MYOM1: variants seen among roughly 807,000 people sequenced by gnomAD.
The protein encoded by MYOM1 is myomesin-1.
A neutral mutation model predicts 205.3 loss-of-function variants in MYOM1; 164 were observed. That is an observed-to-expected ratio of 0.80 (90% CI 0.70 to 0.91). The LOEUF is 0.91. MYOM1 is among the 40% of genes least tolerant of loss of function. MYOM1 has a pLI of 0.00. For missense variants in MYOM1, 2,011 were observed against 2,127.3 expected, an observed-to-expected ratio of 0.95 and a Z score of 1.08; for synonymous variants, 772 against 789.4, an observed-to-expected ratio of 0.98 and a Z score of 0.37.
chr18:3,071,444 C>T (rs1164285551), intron 37 of MYOM1, among the ~76,000 whole-genome samples: 3 of 152,030 alleles, frequency 2.0e-5, no homozygotes. Flanking sequence ...CTGTAACCTC[C>T]ACCTCCCAGG....
intron 10 of MYOM1, among the ~76,000 whole-genome samples, chr18:3,159,810 A>G (rs2080354691): frequency 6.6e-6 from 1 of 152,178 alleles, no homozygotes; most frequent in South Asian, 2.1e-4. Flanking sequence ...GGGAGACTAG[A>G]CTGGTTATGG....
chr18:3,130,084 C>A (rs913057517), intron 17 of MYOM1, among the ~76,000 whole-genome samples: 3 of 151,726 alleles, frequency 2.0e-5, no homozygotes, highest in Non-Finnish European at 2.9e-5. Flanking sequence ...ACTCTGTCCC[C>A]CAGGCTGGAG....
intron 14 of MYOM1, among the ~76,000 whole-genome samples, chr18:3,138,258 G>T (rs2079998527): frequency 6.6e-6 from 1 of 152,166 alleles, no homozygotes; most frequent in African/African-American, 2.4e-5. Flanking sequence ...GTTTTCAAAA[G>T]ACTTTTCTGA....
At chr18:3,228,166 G>A in the MYOM1 span, among the ~76,000 whole-genome samples, 4 of 152,190 alleles carry the variant, frequency 2.6e-5, no homozygotes, top group Non-Finnish European at 5.9e-5. This position sits in a 1 kb window ranked among gnomAD's most constrained non-coding sequence, Gnocchi z 4.5. Context: ...AGGACAACGT[G>A]ATGAAGACCA....
rs930614125 is a variant in MYOM1 at position 3,135,174 on chromosome 18, T to C, written c.2210-350A>G. 17 of 296,588 alleles carry C rather than the reference T, an allele frequency of 5.7e-5. No individual in the cohort carries two copies. The highest frequency in any genetic ancestry group is 3.7e-4 in the African/African-American group (17 of 45,938). 18.4% of individuals were successfully genotyped at this position (296,588 alleles called of 1,614,324 possible). Reference sequence around the variant, plus strand: ...CATGTTGGCCAGGCTGGTCTCAAACTCTTGGACTCAGGTGATCTGCCTGCC... The same window carrying C: ...CATGTTGGCCAGGCTGGTCTCAAACCCTTGGACTCAGGTGATCTGCCTGCC... On this transcript the variant is annotated intron_variant, in intron 15 of 37. Coordinates refer to ENST00000356443, the MANE Select transcript of MYOM1 (RefSeq NM_003803.4). This position sits in a 1 kb window ranked among gnomAD's most constrained non-coding sequence, Gnocchi z 4.1.
chr18:3,149,325 T>G (rs2080183251), intron 12 of MYOM1, 124 bp from the exon 13 acceptor site: 1 of 714,566 alleles, frequency 1.4e-6, no homozygotes, highest in Admixed American at 2.6e-5. Flanking sequence ...GACTTATGTG[T>G]TTTCCCATGA....
chr18:3,193,361 T>TACACACACACACACACAC (rs58632082), intron 3 of MYOM1, among the ~76,000 whole-genome samples: 1 of 135,876 alleles, frequency 7.4e-6, no homozygotes, highest in Admixed American at 7.3e-5. Context: ...TATATATATA[T>TACACACACACACACACAC]ACACACACAC....
intron 2 of MYOM1, among the ~76,000 whole-genome samples, chr18:3,198,656 C>T (rs1287963571): frequency 2.0e-5 from 3 of 151,880 alleles, no homozygotes; most frequent in African/African-American, 4.8e-5. Flanking sequence ...TGGTGGCGGG[C>T]GCCTGTAATC....
At chr18:3,136,041 C>A (rs1392055510) in intron 14 of MYOM1, among the ~76,000 whole-genome samples, 1 of 152,118 alleles carries the variant, frequency 6.6e-6, no homozygotes, top group African/African-American at 2.4e-5. Flanking sequence ...CGGTTTCCCC[C>A]ATACTGTTCT....
At chr18:3,150,120 C>T (rs2080196151) in intron 12 of MYOM1, among the ~76,000 whole-genome samples, 2 of 151,952 alleles carry the variant, frequency 1.3e-5, no homozygotes, top group South Asian at 2.1e-4. Context: ...AGTGCAGTGG[C>T]GCGATCTCAG....
intron 2 of MYOM1, among the ~76,000 whole-genome samples, chr18:3,199,418 A>G (rs1012855176): frequency 6.6e-6 from 1 of 152,198 alleles, no homozygotes; most frequent in Non-Finnish European, 1.5e-5. Context: ...CTCTCCATAC[A>G]TATATGTGTG....
the MYOM1 span, among the ~76,000 whole-genome samples, chr18:3,225,764 C>G: frequency 6.6e-6 from 1 of 152,154 alleles, no homozygotes; most frequent in African/African-American, 2.4e-5. Flanking sequence ...TGATCCACAC[C>G]CTCCTCCCAG....
intron 25 of MYOM1, 63 bp from the exon 26 acceptor site, chr18:3,094,369 T>A: frequency 7.6e-7 from 1 of 1,310,948 alleles, no homozygotes; most frequent in Non-Finnish European, 1.0e-6. Flanking sequence ...GTACTCATTT[T>A]CCATCAAGTG....
At chr18:3,227,399 T>C in the MYOM1 span, among the ~76,000 whole-genome samples, 3 of 152,116 alleles carry the variant, frequency 2.0e-5, no homozygotes. Flanking sequence ...TCCACTTATA[T>C]GAGGTACCTA....
intron 2 of MYOM1, among the ~76,000 whole-genome samples, chr18:3,212,054 T>C (rs768995145): frequency 1.3e-5 from 2 of 152,198 alleles, no homozygotes; most frequent in Non-Finnish European, 2.9e-5. Context: ...CAAAAAATAT[T>C]ATCTGCACCT....
intron 10 of MYOM1, among the ~76,000 whole-genome samples, chr18:3,159,998 T>TTTCTTCTTCTCCTAC (rs774128133): frequency 5.3e-5 from 8 of 149,612 alleles, no homozygotes; most frequent in African/African-American, 2.0e-4. Flanking sequence ...CTTATTCTCT[T>TTTCTTCTTCTCCTAC]TTCTTCTTCT....
chr18:3,080,962 T>C (rs2079078577), intron 33 of MYOM1, among the ~76,000 whole-genome samples: 1 of 151,908 alleles, frequency 6.6e-6, no homozygotes, highest in Admixed American at 6.6e-5. Flanking sequence ...TGAAACCTCG[T>C]CTTTACTAAA....
intron 18 of MYOM1, among the ~76,000 whole-genome samples, chr18:3,128,116 A>C (rs2079821449): frequency 6.6e-6 from 1 of 152,244 alleles, no homozygotes; most frequent in East Asian, 1.9e-4. Context: ...TTACCCAAAA[A>C]GAGTATCAGA....
intron 29 of MYOM1, among the ~76,000 whole-genome samples, chr18:3,087,416 G>C (rs192353060): frequency 1.3e-4 from 20 of 151,582 alleles, no homozygotes; most frequent in Admixed American, 5.9e-4. Flanking sequence ...GATGGCAAAG[G>C]TCATAGCTCC....
Sources: allele counts gnomAD v4.1 joint callset (sites outside exome capture counted in the v4.1 genomes callset), GRCh38; gene constraint gnomAD v4.1.1; non-coding constraint Gnocchi (gnomAD v3.1); transcripts MANE v1.5; gene names NCBI Gene and HGNC (gene_info 2026-07-23, HGNC 2026-07-21).